The following RNF216 variants were observed in gnomAD, a reference collection of about 807,000 sequenced individuals.
The protein encoded by RNF216 is ring finger protein 216, also known as E3 ubiquitin-protein ligase RNF216.
A neutral mutation model predicts 110.8 loss-of-function variants in RNF216; 72 were observed. That is an observed-to-expected ratio of 0.65 (90% CI 0.54 to 0.79). The LOEUF (loss-of-function observed/expected upper bound fraction) is 0.79, where lower values mean the gene tolerates loss of function less well. Among genes scored for constraint, RNF216 ranks in the 30% least tolerant of loss-of-function variants. RNF216 has a pLI of 0.00. For synonymous variants in RNF216, 495 were observed against 407.5 expected (o/e 1.21, Z -2.59); for missense variants, 1,342 against 1,141.2 (o/e 1.18, Z -2.54).
At chr7:5,649,332 C>T (rs1788241959) in intron 14 of RNF216, among the ~76,000 whole-genome samples, 1 of 151,528 alleles carries the variant, frequency 6.6e-6, no homozygotes, top group Non-Finnish European at 1.5e-5. Flanking sequence ...GCGGAGGTCG[C>T]AATGACCCGA....
chr7:5,649,205 G>T (rs557615022), intron 14 of RNF216, among the ~76,000 whole-genome samples: 1 of 151,924 alleles, frequency 6.6e-6, no homozygotes, highest in Non-Finnish European at 1.5e-5. Flanking sequence ...AACCACGGCC[G>T]ACAAAGTAAA....
intron 2 of RNF216, among the ~76,000 whole-genome samples, chr7:5,759,057 C>T (rs1205435601): frequency 6.6e-6 from 1 of 152,058 alleles, no homozygotes; most frequent in Non-Finnish European, 1.5e-5. Flanking sequence ...TAGCACAATC[C>T]GTTCTGGTTG....
chr7:5,712,613 A>G, intron 12 of RNF216, 102 bp downstream of exon 12: 1 of 1,177,076 alleles, frequency 8.5e-7, no homozygotes, highest in Non-Finnish European at 1.2e-6. Context: ...ATGTCAAAAA[A>G]CCTGGAAGAT....
chr7:5,769,906 GAGTGCTTGTAGCCA>G (rs1796403141), intron 1 of RNF216, among the ~76,000 whole-genome samples: 14 of 43,218 alleles, frequency 3.2e-4, no homozygotes, highest in Non-Finnish European at 1.3e-4. Context: ...GCTTGGTGGC[GAGTGCTTGTAGCCA>G]GGAGGCTGAG....
intron 13 of RNF216, among the ~76,000 whole-genome samples, chr7:5,655,714 GCTCT>G (rs769668598): frequency 1.3e-5 from 2 of 148,354 alleles, no homozygotes; most frequent in East Asian, 1.9e-4. Context: ...AACATTTGGA[GCTCT>G]CTCTGTGTAG....
At position 5,752,954 on chromosome 7, in the gene RNF216, G is replaced by A. The variant is rs1386490049; in HGVS notation, c.93C>T (p.Pro31=). The A allele has an allele frequency of 1.9e-6, 3 of 1,611,230 alleles. No individual in the cohort carries two copies. The highest frequency in any genetic ancestry group is 1.7e-4 in the Middle Eastern group (1 of 6,048). ...CATCTGAGGAGTCAGATATGGTGAT[G>A]GGCCCATCTCGGAGATTGATCCACT... The part of the protein sequence containing the change: ...GQEWINLRDG[P]ITISDSSDEE... The change falls in exon 3 of 17, where the codon CCC becomes CCT. Residue 31 remains proline, a synonymous_variant. Transcript: ENST00000389902.
chr7:5,664,164 C>T (rs1028830039), intron 13 of RNF216, among the ~76,000 whole-genome samples: 1 of 152,156 alleles, frequency 6.6e-6, no homozygotes, highest in Non-Finnish European at 1.5e-5. Flanking sequence ...TTTTTTTGTA[C>T]TTTCCATGGG....
intron 13 of RNF216, among the ~76,000 whole-genome samples, chr7:5,702,368 A>G (rs1024436269): frequency 6.6e-6 from 1 of 152,190 alleles, no homozygotes; most frequent in African/African-American, 2.4e-5. Flanking sequence ...CTATTTCCAC[A>G]GGGCCAAGCA....
chr7:5,667,049 C>T (rs1789575955), intron 13 of RNF216, among the ~76,000 whole-genome samples: 1 of 152,228 alleles, frequency 6.6e-6, no homozygotes, highest in Admixed American at 6.5e-5. Context: ...TCAAAGGATG[C>T]ACCCGCCTCG....
At chr7:5,734,825 AAAATAAATAAAT>A (rs577475175) in intron 5 of RNF216, among the ~76,000 whole-genome samples, 34 of 118,142 alleles carry the variant, frequency 2.9e-4, no homozygotes, top group African/African-American at 5.4e-4. Flanking sequence ...ACTCTCTCTC[AAAATAAATAAAT>A]AAATAAATAA....
At chr7:5,651,315 C>T (rs1475260152) in intron 14 of RNF216, among the ~76,000 whole-genome samples, 1 of 152,004 alleles carries the variant, frequency 6.6e-6, no homozygotes, top group Non-Finnish European at 1.5e-5. Context: ...CAACCTCTGC[C>T]TCCCTGGTTC....
intron 13 of RNF216, among the ~76,000 whole-genome samples, chr7:5,678,213 T>A (rs1340044225): frequency 6.6e-6 from 1 of 152,228 alleles, no homozygotes; most frequent in Non-Finnish European, 1.5e-5. Flanking sequence ...GACCGCCTGC[T>A]GTAACTTTTA....
At chr7:5,769,674 A>G (rs1296019517) in intron 1 of RNF216, among the ~76,000 whole-genome samples, 1 of 151,996 alleles carries the variant, frequency 6.6e-6, no homozygotes, top group Non-Finnish European at 1.5e-5. Context: ...CAGTAAGCTA[A>G]GATCACACCA....
At chr7:5,735,432 G>C (rs117492238) in intron 5 of RNF216, among the ~76,000 whole-genome samples, 3,808 of 151,998 alleles carry the variant, frequency 0.025, 77 homozygotes, top group East Asian at 0.047. Context: ...ATGTTTATTG[G>C]TTAAAGAAAT....
At chr7:5,744,122 A>T (rs1248585311) in intron 3 of RNF216, among the ~76,000 whole-genome samples, 1 of 152,194 alleles carries the variant, frequency 6.6e-6, no homozygotes, top group Non-Finnish European at 1.5e-5. Flanking sequence ...CTAAAGTAAC[A>T]GCATGTTTAG....
At chr7:5,755,099 G>A (rs1795552899) in intron 2 of RNF216, among the ~76,000 whole-genome samples, 1 of 146,690 alleles carries the variant, frequency 6.8e-6, no homozygotes, top group Non-Finnish European at 1.5e-5. Context: ...GGAGAAGAGA[G>A]GAGGAAAGGA....
intron 1 of RNF216, among the ~76,000 whole-genome samples, chr7:5,770,901 G>A (rs1411657683): frequency 1.3e-5 from 2 of 151,468 alleles, no homozygotes; most frequent in South Asian, 2.1e-4. Flanking sequence ...TCCGCCTCCT[G>A]GGTTCAAGCG....
chr7:5,652,593 T>C (rs547095484), intron 13 of RNF216, 83 bp from the exon 14 acceptor site: 20 of 877,142 alleles, frequency 2.3e-5, no homozygotes, highest in Non-Finnish European at 3.2e-5. Flanking sequence ...GGATATGAAA[T>C]GAGCTTTACT....
intron 14 of RNF216, among the ~76,000 whole-genome samples, chr7:5,644,687 T>C (rs1156576607): frequency 2.0e-5 from 3 of 152,132 alleles, no homozygotes; most frequent in Admixed American, 6.6e-5. Context: ...AAATTTTTTG[T>C]AGAGACTGGG....
Sources: gnomAD v4.1 joint callset for allele counts (sites outside exome capture counted in the v4.1 genomes callset) on GRCh38, gnomAD v4.1.1 for gene constraint, MANE v1.5 for transcripts, NCBI Gene and HGNC (gene_info 2026-07-23, HGNC 2026-07-21) for gene names.